Variants in PDE3B observed in about 807,000 individuals in gnomAD.
The protein encoded by PDE3B is cGMP-inhibited 3',5'-cyclic phosphodiesterase 3B.
A neutral mutation model predicts 116.8 loss-of-function variants in PDE3B; 66 were observed. The observed-to-expected ratio is 0.56, with a 90% CI of 0.46 to 0.69. PDE3B has a LOEUF of 0.69. Ranked by LOEUF, PDE3B falls within the 30% of genes least tolerant of loss-of-function variation. PDE3B has a pLI of 0.00. For missense variants in PDE3B, 1,384 were observed against 1,368.1 expected (o/e 1.01, Z -0.18); for synonymous variants, 595 against 533.6 (o/e 1.12, Z -1.59).
At chr11:14,697,142 T>C (rs1855229647) in intron 1 of PDE3B, among the ~76,000 whole-genome samples, 1 of 152,040 alleles carries the variant, frequency 6.6e-6, no homozygotes. Flanking sequence ...CTTACCATGT[T>C]GCCCAGCCTG....
At position 14,818,309 on chromosome 11, in the gene PDE3B, T is replaced by C; in HGVS notation, c.1649T>C (p.Ile550Thr). 1 of 1,613,740 alleles carries C rather than the reference T, an allele frequency of 6.2e-7. No homozygotes were observed. Among genetic ancestry groups the C allele is most frequent in the Non-Finnish European group, 8.5e-7 (1 of 1,179,660 alleles). The change falls in exon 6 of 16, where the codon ATC becomes ACC. Residue 550 changes from isoleucine to threonine, a missense_variant. By Grantham distance (89) the Ile-to-Thr change is moderately conservative (BLOSUM62 -1). This residue lies in a region of PDE3B where 956 missense variants were observed against 806.8 expected (regional missense o/e 1.18). Coordinates refer to ENST00000282096, the MANE Select transcript of PDE3B (RefSeq NM_000922.4). Reference protein sequence around the residue: ...TADFLNKPSVILQRSLGNAPN... With the variant: ...TADFLNKPSVTLQRSLGNAPN... ...GATTTTCTTAATAAGCCAAGCGTTATCTTGCAGAGATCTCTGGGCAATGCA... is the reference window on the plus strand; with the variant it reads ...GATTTTCTTAATAAGCCAAGCGTTACCTTGCAGAGATCTCTGGGCAATGCA...
intron 1 of PDE3B, among the ~76,000 whole-genome samples, chr11:14,736,394 T>C (rs886301536): frequency 7.2e-5 from 11 of 152,184 alleles, no homozygotes; most frequent in African/African-American, 2.7e-4. Flanking sequence ...TGGGGCACAT[T>C]TTCGTAGAGA....
At chr11:14,833,242 C>T (rs756137542) in intron 10 of PDE3B, among the ~76,000 whole-genome samples, 8 of 152,084 alleles carry the variant, frequency 5.3e-5, no homozygotes, top group East Asian at 1.9e-4. Flanking sequence ...CGTCAGCTGC[C>T]GCGCCTGGCC....
chr11:14,810,171 T>G (rs1859080524), intron 5 of PDE3B, among the ~76,000 whole-genome samples: 1 of 152,148 alleles, frequency 6.6e-6, no homozygotes, highest in South Asian at 2.1e-4. Context: ...TTTTTTTCTT[T>G]TATTTATTAT....
chr11:14,707,563 A>G (rs1201913565), intron 1 of PDE3B, among the ~76,000 whole-genome samples: 2 of 152,026 alleles, frequency 1.3e-5, no homozygotes, highest in Non-Finnish European at 2.9e-5. Flanking sequence ...ATTTGGAAGT[A>G]TAATAAAATA....
In PDE3B at chr11:14,839,997, G is replaced by T. The variant is rs562360228; in HGVS notation, c.2321-3830G>T. 2.6e-5 allele frequency among the ~76,000 whole-genome samples: 4 copies of T among 152,234 alleles called. No homozygotes were observed. In the South Asian group the frequency reaches 8.3e-4, roughly 32 times the overall value. ...ACATTTGAAATTCTCTACATAAAGG[G>T]CTCTTTGGATTCTGAAGGCAAATTC... On this transcript the variant is annotated intron_variant, in intron 11 of 15. Coordinates refer to ENST00000282096, the MANE Select transcript of PDE3B (RefSeq NM_000922.4).
intron 2 of PDE3B, 196 bp downstream of exon 2, chr11:14,772,183 G>T: frequency 6.8e-6 from 2 of 292,458 alleles, no homozygotes; most frequent in Non-Finnish European, 6.4e-6. Flanking sequence ...TAATTATAAG[G>T]GAAAAAGAAA....
At chr11:14,704,794 G>T (rs1256273442) in intron 1 of PDE3B, among the ~76,000 whole-genome samples, 1 of 151,512 alleles carries the variant, frequency 6.6e-6, no homozygotes. Flanking sequence ...AAAAAAAGCT[G>T]TAAGACATCT....
intron 1 of PDE3B, among the ~76,000 whole-genome samples, chr11:14,747,870 A>C (rs918052276): frequency 2.0e-5 from 3 of 152,356 alleles, no homozygotes. Flanking sequence ...TTGTTATAGA[A>C]GTGCACACAT....
At chr11:14,780,572 A>G (rs1422497934) in intron 2 of PDE3B, among the ~76,000 whole-genome samples, 1 of 152,234 alleles carries the variant, frequency 6.6e-6, no homozygotes, top group Non-Finnish European at 1.5e-5. Flanking sequence ...ACTAATGGGT[A>G]AATAACAAAA....
chr11:14,828,476 A>AAG (rs905394289), intron 7 of PDE3B, among the ~76,000 whole-genome samples: 6 of 152,174 alleles, frequency 3.9e-5, no homozygotes, highest in African/African-American at 1.2e-4. Flanking sequence ...ACAAGAAAAA[A>AAG]CAAACATAAA....
At chr11:14,686,251 A>T (rs1024559056) in intron 1 of PDE3B, among the ~76,000 whole-genome samples, 3 of 152,182 alleles carry the variant, frequency 2.0e-5, no homozygotes, top group African/African-American at 7.2e-5. Flanking sequence ...CAAATCTCTT[A>T]TACCTTTATC....
At chr11:14,861,467 T>G in intron 14 of PDE3B, 101 bp downstream of exon 14, 1 of 1,059,392 alleles carries the variant, frequency 9.4e-7, no homozygotes. Flanking sequence ...GAAATCTGAG[T>G]TGCTTTGACT....
At chr11:14,675,470 A>T (rs1192032365) in intron 1 of PDE3B, among the ~76,000 whole-genome samples, 1 of 152,174 alleles carries the variant, frequency 6.6e-6, no homozygotes, top group African/African-American at 2.4e-5. Context: ...TTATGTAATC[A>T]TGAACCAAAA....
chr11:14,677,403 T>C (rs1350730020), intron 1 of PDE3B, among the ~76,000 whole-genome samples: 1 of 152,196 alleles, frequency 6.6e-6, no homozygotes, highest in Non-Finnish European at 1.5e-5. Flanking sequence ...TCTAGATTAC[T>C]TCATAAAAAT....
At chr11:14,876,851 C>A (rs1277981972), downstream of PDE3B, among the ~76,000 whole-genome samples, 6 of 152,070 alleles carry the variant, frequency 3.9e-5, no homozygotes, top group Non-Finnish European at 8.8e-5. Context: ...CCTAAAACTT[C>A]CACCCTTCCT....
intron 5 of PDE3B, among the ~76,000 whole-genome samples, chr11:14,815,718 G>C (rs911160530): frequency 6.6e-6 from 1 of 151,982 alleles, no homozygotes; most frequent in Admixed American, 6.6e-5. Context: ...TGAACACCAG[G>C]GGGCAAGGGT....
the PDE3B span, chr11:14,891,255 G>A: frequency 3.0e-6 from 3 of 984,980 alleles, no homozygotes; most frequent in Non-Finnish European, 2.4e-6. Context: ...CTCACCGGCT[G>A]GTTATGAGTT....
chr11:14,757,130 A>G (rs981296508), intron 1 of PDE3B, among the ~76,000 whole-genome samples: 5 of 151,646 alleles, frequency 3.3e-5, no homozygotes, highest in African/African-American at 1.2e-4. Flanking sequence ...AAGGACACGA[A>G]CTCATCATTT....
Sources: allele counts gnomAD v4.1 joint callset (sites outside exome capture counted in the v4.1 genomes callset), GRCh38; gene constraint gnomAD v4.1.1; regional missense constraint gnomAD v4.1.1; transcripts MANE v1.5; gene names NCBI Gene and HGNC (gene_info 2026-07-23, HGNC 2026-07-21).